SGPP1: variants seen among roughly 807,000 people sequenced by gnomAD.
The protein encoded by SGPP1 is hSPP1.
Under a neutral mutation model 33.0 loss-of-function variants are expected in SGPP1, and 21 were observed. That is an observed-to-expected ratio of 0.64 (90% CI 0.45 to 0.92). SGPP1 has a LOEUF of 0.92. Ranked by LOEUF, SGPP1 falls within the 40% of genes least tolerant of loss-of-function variation. SGPP1 has a pLI of 0.00. For synonymous variants in SGPP1, 239 were observed against 241.2 expected, an observed-to-expected ratio of 0.99 and a Z score of 0.08; for missense variants, 543 against 589.4, an observed-to-expected ratio of 0.92 and a Z score of 0.81.
At chr14:63,714,315 G>A (rs1885578428) in intron 1 of SGPP1, among the ~76,000 whole-genome samples, 1 of 152,224 alleles carries the variant, frequency 6.6e-6, no homozygotes. Context: ...GGCTCAGATT[G>A]TCTATCATGG....
In SGPP1 at chr14:63,727,728, G is replaced by A. The variant is rs1408115872; in HGVS notation, c.217C>T (p.Arg73Cys). The change falls in exon 1 of 3, where the codon CGC becomes TGC. Residue 73 changes from arginine to cysteine, a missense_variant. Arg to Cys is a radical substitution (Grantham distance 180, BLOSUM62 -3). Coordinates refer to ENST00000247225, the MANE Select transcript of SGPP1 (RefSeq NM_030791.4). ...PGGPQPPGSD[R>C]NQCPAKPDGG... ...TCCGGCTTGGCCGGGCACTGATTGC[G>A]GTCGCTCCCGGGAGGCTGGGGGCCT... The A allele has an allele frequency of 3.5e-6, 5 of 1,437,772 alleles. No homozygotes were observed. The highest frequency in any genetic ancestry group is 3.0e-5 in the African/African-American group (2 of 66,756). 89.1% of individuals were successfully genotyped at this position (1,437,772 alleles called of 1,614,324 possible).
chr14:63,705,936 T>A (rs1885401415), intron 1 of SGPP1, among the ~76,000 whole-genome samples: 1 of 151,988 alleles, frequency 6.6e-6, no homozygotes, highest in South Asian at 2.1e-4. Context: ...TTTAACTATA[T>A]CCCCCAAAGA....
At position 63,684,511 on chromosome 14, in the gene SGPP1, T is replaced by C. The variant is rs1884930988; in HGVS notation, c.*1594A>G. The C allele has an allele frequency of 6.6e-6, 1 of 152,456 alleles. No individual in the cohort carries two copies. Among genetic ancestry groups the C allele is most frequent in the South Asian group, 2.1e-4 (1 of 4,832 alleles). 9.4% of individuals were successfully genotyped at this position (152,456 alleles called of 1,614,324 possible). On this transcript the variant is annotated 3_prime_UTR_variant, in exon 3 of 3. Transcript: ENST00000247225. ...GTAAATTTAGTTGCTTTACTTAAAATTACCAGCTTCAGTTTTGGTAAAAAT... is the reference window on the plus strand; with the variant it reads ...GTAAATTTAGTTGCTTTACTTAAAACTACCAGCTTCAGTTTTGGTAAAAAT...
At chr14:63,724,088 C>G (rs756475985) in intron 1 of SGPP1, among the ~76,000 whole-genome samples, 1 of 152,038 alleles carries the variant, frequency 6.6e-6, no homozygotes, top group African/African-American at 2.4e-5. Context: ...CTATATTGCC[C>G]AGGCTGGTCT....
At chr14:63,709,984 T>C (rs1036410460) in intron 1 of SGPP1, among the ~76,000 whole-genome samples, 1 of 152,192 alleles carries the variant, frequency 6.6e-6, no homozygotes, top group Admixed American at 6.5e-5. Context: ...GTCAATAAAA[T>C]CACTTGCAAT....
intron 2 of SGPP1, among the ~76,000 whole-genome samples, chr14:63,688,864 G>A (rs1390575097): frequency 2.0e-5 from 3 of 151,992 alleles, no homozygotes; most frequent in Non-Finnish European, 4.4e-5. Flanking sequence ...TGGGACTACA[G>A]GCGCCCGCCA....
At chr14:63,694,154 G>T (rs1335647350) in intron 2 of SGPP1, among the ~76,000 whole-genome samples, 1 of 151,954 alleles carries the variant, frequency 6.6e-6, no homozygotes, top group African/African-American at 2.4e-5. Context: ...GGGCATGGTG[G>T]TCCCAACTAC....
chr14:63,714,031 CT>C (rs1306107424), intron 1 of SGPP1, among the ~76,000 whole-genome samples: 1 of 152,208 alleles, frequency 6.6e-6, no homozygotes, highest in Non-Finnish European at 1.5e-5. Flanking sequence ...GACTTTTCTT[CT>C]GCTGCCTTGG....
At chr14:63,715,195 A>G (rs1208020210) in intron 1 of SGPP1, among the ~76,000 whole-genome samples, 2 of 151,362 alleles carry the variant, frequency 1.3e-5, no homozygotes, top group South Asian at 2.1e-4. Flanking sequence ...TTGTATTTTT[A>G]GTAGAGACAG....
chr14:63,708,585 G>A (rs750406017), intron 1 of SGPP1, among the ~76,000 whole-genome samples: 4 of 151,996 alleles, frequency 2.6e-5, no homozygotes, highest in South Asian at 2.1e-4. Flanking sequence ...ATTTCTGACC[G>A]TTAATTTGGC....
intron 1 of SGPP1, among the ~76,000 whole-genome samples, chr14:63,714,750 T>A (rs901508590): frequency 3.3e-5 from 5 of 151,548 alleles, no homozygotes; most frequent in East Asian, 1.9e-4. Context: ...ATTTATTTTT[T>A]TTTTTTTGAG....
At chr14:63,698,810 G>A (rs1237416678) in intron 1 of SGPP1, 152 bp from the exon 2 acceptor site, 3 of 438,514 alleles carry the variant, frequency 6.8e-6, no homozygotes, top group Non-Finnish European at 8.3e-6. Flanking sequence ...CTAACCCTGA[G>A]TATGGCACAT....
intron 1 of SGPP1, among the ~76,000 whole-genome samples, chr14:63,718,977 C>CACATATATAT (rs1885689350): frequency 3.7e-5 from 1 of 26,960 alleles, no homozygotes; most frequent in Non-Finnish European, 6.3e-5. Context: ...TATGTATATA[C>CACATATATAT]ATATATATAT....
At position 63,698,613 on chromosome 14, in the gene SGPP1, G is replaced by C. The variant is rs1260175796; in HGVS notation, c.730C>G (p.Leu244Val). The C allele has an allele frequency of 1.9e-6, 3 of 1,605,204 alleles. No homozygotes were observed. Among genetic ancestry groups the C allele is most frequent in the African/African-American group, 2.7e-5 (2 of 74,566 alleles). Residue 244 changes from leucine to valine, a missense_variant, in exon 2 of 3, where the codon CTA (leucine) becomes GTA (valine). Transcript: ENST00000247225. ...GLILIPCWCS[L>V]VCLSRIYMGM... ...ATGTAAATTCTACTTAGGCAAACTA[G>C]AGAACACCAGCAGGGAATAAGAATC... is the stretch of plus-strand genomic sequence containing the variant.
At chr14:63,693,448 A>G (rs1456218977) in intron 2 of SGPP1, among the ~76,000 whole-genome samples, 1 of 152,230 alleles carries the variant, frequency 6.6e-6, no homozygotes, top group Non-Finnish European at 1.5e-5. Context: ...GTTATATGCT[A>G]AAGTGTATAT....
At chr14:63,693,483 T>C (rs979627907) in intron 2 of SGPP1, among the ~76,000 whole-genome samples, 1 of 152,250 alleles carries the variant, frequency 6.6e-6, no homozygotes, top group Non-Finnish European at 1.5e-5. Flanking sequence ...ACTTTTCACA[T>C]AGAATTTATA....
rs1183659869 is a variant in SGPP1 at position 63,684,933 on chromosome 14, C to T, written c.*1172G>A. On this transcript the variant is annotated 3_prime_UTR_variant, in exon 3 of 3. Transcript: ENST00000247225. ...AAATGGGTATTAAAAGTTAACGGTG[C>T]TAAATCCAATCCTTTCCAAATTATT... 1.3e-5 allele frequency: 2 copies of T among 152,268 alleles called. No individual in the cohort carries two copies. The highest frequency in any genetic ancestry group is 2.9e-5 in the Non-Finnish European group (2 of 67,864). The allele number at this position is 152,268 out of a possible 1,614,324, so 9.4% of individuals were successfully genotyped here. A position where few individuals can be genotyped will look rare whatever the true frequency, so the allele number is the denominator to read the frequency against.
intron 2 of SGPP1, among the ~76,000 whole-genome samples, chr14:63,697,498 C>A (rs1885210912): frequency 6.6e-6 from 1 of 152,102 alleles, no homozygotes; most frequent in Non-Finnish European, 1.5e-5. Flanking sequence ...ATACATAATT[C>A]ATTCATAGAT....
At position 63,728,017 on chromosome 14, in the gene SGPP1, G is replaced by A. The variant is rs1885929816; in HGVS notation, c.-73C>T. On this transcript the variant is annotated 5_prime_UTR_variant, in exon 1 of 3. Coordinates refer to ENST00000247225, the MANE Select transcript of SGPP1 (RefSeq NM_030791.4). Reference sequence around the variant, plus strand: ...AACTGTCCCCGCGCTCCTGGCCAGCGGCAGCGGAACCGGCACAGCGCTCTA... The same window carrying A: ...AACTGTCCCCGCGCTCCTGGCCAGCAGCAGCGGAACCGGCACAGCGCTCTA... The A allele has an allele frequency of 2.8e-6, 4 of 1,423,664 alleles. No homozygotes were observed. Among genetic ancestry groups the A allele is most frequent in the African/African-American group, 3.0e-5 (2 of 67,056 alleles). 88.2% of individuals were successfully genotyped at this position (1,423,664 alleles called of 1,614,324 possible).
Sources: gnomAD v4.1 joint callset for allele counts (sites outside exome capture counted in the v4.1 genomes callset) on GRCh38, gnomAD v4.1.1 for gene constraint, MANE v1.5 for transcripts, NCBI Gene and HGNC (gene_info 2026-07-23, HGNC 2026-07-21) for gene names.